TBC1D22A: variants seen among roughly 807,000 people sequenced by gnomAD.
The protein encoded by TBC1D22A is TBC1 domain family member 22A, also known as putative GTPase activator.
TBC1D22A carries 38 observed loss-of-function variants against 60.2 expected under a neutral mutation model. That is an observed-to-expected ratio of 0.63 (90% CI 0.49 to 0.83). TBC1D22A has a LOEUF of 0.83. Ranked by LOEUF, TBC1D22A falls within the 40% of genes least tolerant of loss-of-function variation. TBC1D22A has a pLI of 0.00. For synonymous variants in TBC1D22A, 302 were observed against 281.7 expected (o/e 1.07, Z -0.72); for missense variants, 628 against 701.0 (o/e 0.90, Z 1.18).
chr22:46,828,730 C>G (rs2086179487), intron 4 of TBC1D22A, among the ~76,000 whole-genome samples: 1 of 152,184 alleles, frequency 6.6e-6, no homozygotes. Flanking sequence ...TAGGCCTTCT[C>G]CCACCCTCCT....
At chr22:46,812,928 G>A (rs2085444242) in intron 4 of TBC1D22A, among the ~76,000 whole-genome samples, 1 of 152,058 alleles carries the variant, frequency 6.6e-6, no homozygotes, top group South Asian at 2.1e-4. Flanking sequence ...GTTGATCTTT[G>A]TGGCGTGTAC....
In TBC1D22A at chr22:47,009,434, TCATCAC is replaced by T. The variant is rs1301004784; in HGVS notation, c.1201+11737_1201+11742del. ...CATCATTGTGTCATCACCACCATCA[TCATCAC>T]CATCACCATCATTTCTGTCATCACC... On this transcript the variant is annotated intron_variant, in intron 10 of 12. Transcript: ENST00000337137. The surrounding 1 kb of genome is among the most constrained non-coding windows in gnomAD (Gnocchi z 5.8). 2.3e-4 allele frequency among the ~76,000 whole-genome samples: 35 copies of T among 151,408 alleles called. No individual in the cohort carries two copies. The East Asian group carries it at 5.4e-3, about 24-fold the overall frequency.
At chr22:46,883,855 C>G (rs1300492213) in intron 5 of TBC1D22A, among the ~76,000 whole-genome samples, 1 of 152,212 alleles carries the variant, frequency 6.6e-6, no homozygotes, top group African/African-American at 2.4e-5. Flanking sequence ...CCTCTGTGCT[C>G]CGTCTCTTTC....
In TBC1D22A at chr22:46,997,724, C is replaced by T. The variant is rs546360855; in HGVS notation, c.1201+15C>T. The stretch of plus-strand genomic sequence containing the variant: ...CCGGATTGATGGTAAGCCAGCTTCC[C>T]GCGCAGCCCCTCTCTGTGGGCGGGG... On this transcript the variant is annotated intron_variant, in intron 10 of 12. Transcript: ENST00000337137. The T allele has an allele frequency of 2.4e-5, 38 of 1,613,380 alleles. No individual in the cohort carries two copies. The highest frequency in any genetic ancestry group is 4.4e-5 in the South Asian group (4 of 91,052).
At position 47,009,700 on chromosome 22, in the gene TBC1D22A, C is replaced by T. The variant is rs1031147165; in HGVS notation, c.1201+11991C>T. ...ACCAGCATCATTTCATCACCATCACCACCACCATCATCATCACTATCACCA... is the reference window on the plus strand; with the variant it reads ...ACCAGCATCATTTCATCACCATCACTACCACCATCATCATCACTATCACCA... On this transcript the variant is annotated intron_variant, in intron 10 of 12. Coordinates refer to ENST00000337137, the MANE Select transcript of TBC1D22A (RefSeq NM_014346.5). The surrounding 1 kb of genome is among the most constrained non-coding windows in gnomAD (Gnocchi z 5.8). 6.6e-6 allele frequency among the ~76,000 whole-genome samples: 1 copy of T among 152,224 alleles called. No homozygotes were observed. The highest frequency in any genetic ancestry group is 1.5e-5 in the Non-Finnish European group (1 of 68,030).
At chr22:46,824,759 G>C (rs2085976807) in intron 4 of TBC1D22A, among the ~76,000 whole-genome samples, 1 of 152,104 alleles carries the variant, frequency 6.6e-6, no homozygotes, top group Non-Finnish European at 1.5e-5. Context: ...GAGGCTTGTT[G>C]AGGGACTGGG....
In TBC1D22A at chr22:46,894,840, G is replaced by A. The variant is rs1161831547; in HGVS notation, c.894G>A (p.Val298=). The change falls in exon 7 of 13, where the codon GTG becomes GTA. Residue 298 remains valine, a synonymous_variant. Coordinates refer to ENST00000337137, the MANE Select transcript of TBC1D22A (RefSeq NM_014346.5). ...SPEALILQPK[V]TEIFERILFI... Reference sequence around the variant, plus strand: ...AAGCGTTGATCCTGCAGCCCAAGGTGACGGAGGTAAGAAGCTCTTGCCGTG... The same window carrying A: ...AAGCGTTGATCCTGCAGCCCAAGGTAACGGAGGTAAGAAGCTCTTGCCGTG... 1.2e-6 allele frequency: 2 copies of A among 1,614,134 alleles called. No individual in the cohort carries two copies. Among genetic ancestry groups the A allele is most frequent in the African/African-American group, 2.7e-5 (2 of 74,948 alleles).
At chr22:47,027,677 C>T (rs2062306063) in intron 10 of TBC1D22A, among the ~76,000 whole-genome samples, 1 of 152,170 alleles carries the variant, frequency 6.6e-6, no homozygotes, top group African/African-American at 2.4e-5. Flanking sequence ...TTAAGCTAGG[C>T]AAGCAAGATT....
intron 8 of TBC1D22A, among the ~76,000 whole-genome samples, chr22:46,936,407 C>G (rs902187594): frequency 6.6e-6 from 1 of 152,162 alleles, no homozygotes; most frequent in Non-Finnish European, 1.5e-5. Context: ...TGCTGGGGAG[C>G]TTTCAGGATT....
At chr22:46,801,431 G>T (rs1423127151) in intron 4 of TBC1D22A, among the ~76,000 whole-genome samples, 1 of 152,222 alleles carries the variant, frequency 6.6e-6, no homozygotes, top group African/African-American at 2.4e-5. Flanking sequence ...GCGGAGTGCT[G>T]TTTTTCTTTG....
At chr22:47,103,387 G>C (rs2065497275) in intron 11 of TBC1D22A, among the ~76,000 whole-genome samples, 2 of 152,178 alleles carry the variant, frequency 1.3e-5, no homozygotes, top group Non-Finnish European at 2.9e-5. Context: ...AGAATGAATG[G>C]GTTTATCTAG....
intron 12 of TBC1D22A, among the ~76,000 whole-genome samples, chr22:47,132,999 C>T (rs551970710): frequency 6.6e-5 from 10 of 152,302 alleles, no homozygotes; most frequent in Non-Finnish European, 8.8e-5. Context: ...ACAGCCACCA[C>T]CGTCTCAGGG....
intron 4 of TBC1D22A, among the ~76,000 whole-genome samples, chr22:46,803,333 A>C (rs1569059107): frequency 6.6e-6 from 1 of 152,160 alleles, no homozygotes; most frequent in Non-Finnish European, 1.5e-5. Flanking sequence ...CCCAGCCTCC[A>C]GGTCACACGT....
Position 46,997,666 on chromosome 22 carries a change from A to G in TBC1D22A, c.1158A>G (p.Gln386=). Residue 386 remains glutamine, a synonymous_variant, in exon 10 of 13, where the codon CAA becomes CAG. Coordinates refer to ENST00000337137, the MANE Select transcript of TBC1D22A (RefSeq NM_014346.5). ...ACACCTTTGCCCAACCTGGGATTCA[A>G]ATGAAAGTGAAAATGTTAGAAGAAC... The part of the protein sequence containing the change: ...DNYTFAQPGI[Q]MKVKMLEELV... 2 of 1,614,084 alleles carry G rather than the reference A, an allele frequency of 1.2e-6. No individual in the cohort carries two copies. The highest frequency in any genetic ancestry group is 1.7e-6 in the Non-Finnish European group (2 of 1,180,012).
At chr22:46,889,985 T>C (rs2068313674) in intron 5 of TBC1D22A, among the ~76,000 whole-genome samples, 1 of 152,216 alleles carries the variant, frequency 6.6e-6, no homozygotes, top group Admixed American at 6.5e-5. Context: ...ATTTTATAAA[T>C]TAGAATTGGC....
At chr22:47,165,816 C>A (rs117257468) in intron 12 of TBC1D22A, among the ~76,000 whole-genome samples, 2 of 152,180 alleles carry the variant, frequency 1.3e-5, no homozygotes, top group Non-Finnish European at 2.9e-5. Context: ...GGCCTCCCCA[C>A]TGCAGACAGC....
rs893266423 is a variant in TBC1D22A, at chr22:46,893,844, C to T, written c.838-940C>T. ...ACGCATCACAGATGTGTGTGTGTGCCTCAGCTTACTCCATTTGGCTGTTGA... is the reference window on the plus strand; with the variant it reads ...ACGCATCACAGATGTGTGTGTGTGCTTCAGCTTACTCCATTTGGCTGTTGA... On this transcript the variant is annotated intron_variant, in intron 6 of 12. Coordinates refer to ENST00000337137, the MANE Select transcript of TBC1D22A (RefSeq NM_014346.5). Among the ~76,000 whole-genome samples the T allele has an allele frequency of 1.6e-4, 24 of 152,314 alleles. 1 individual carries two copies. Among genetic ancestry groups the T allele is most frequent in the African/African-American group, 5.3e-4 (22 of 41,560 alleles).
intron 5 of TBC1D22A, among the ~76,000 whole-genome samples, chr22:46,889,722 G>T (rs1460403750): frequency 1.3e-5 from 2 of 152,218 alleles, no homozygotes; most frequent in East Asian, 3.8e-4. Context: ...GCTGCTGAGT[G>T]AAGGAAAAGC....
chr22:46,767,887 G>A (rs571130405), intron 1 of TBC1D22A, among the ~76,000 whole-genome samples: 2 of 152,272 alleles, frequency 1.3e-5, no homozygotes, highest in African/African-American at 4.8e-5. Flanking sequence ...CGTGGGGTGC[G>A]TCATGAAAGG....
Sources: gnomAD v4.1 joint callset for allele counts (sites outside exome capture counted in the v4.1 genomes callset) on GRCh38, gnomAD v4.1.1 for gene constraint, Gnocchi (gnomAD v3.1) non-coding constraint, MANE v1.5 for transcripts, NCBI Gene and HGNC (gene_info 2026-07-23, HGNC 2026-07-21) for gene names.